ZNF81: variants seen among roughly 807,000 people sequenced by gnomAD.
The protein encoded by ZNF81 is zinc finger protein 81 (HFZ20).
ZNF81 carries 5 observed loss-of-function variants against 32.3 expected under a neutral mutation model. That is an observed-to-expected ratio of 0.15 (90% CI 0.08 to 0.33). The LOEUF (loss-of-function observed/expected upper bound fraction) is 0.33. ZNF81 is among the 10% of genes least tolerant of loss of function. The pLI, the probability that ZNF81 is intolerant of heterozygous loss-of-function variation, is 1.00. For synonymous variants in ZNF81, 163 were observed against 166.8 expected (o/e 0.98, Z 0.17); for missense variants, 379 against 479.8 (o/e 0.79, Z 1.96).
intron 4 of ZNF81, among the ~76,000 whole-genome samples, chrX:47,900,966 A>G (rs1035820625): frequency 2.7e-5 from 3 of 111,320 alleles, no homozygotes; most frequent in Non-Finnish European, 3.8e-5. Context: ...ACAAGCTTTT[A>G]TGAGAATTTT....
chrX:47,900,098 G>C (rs1313461561), intron 4 of ZNF81, among the ~76,000 whole-genome samples: 1 of 111,158 alleles, frequency 9.0e-6, no homozygotes, highest in Non-Finnish European at 1.9e-5. Flanking sequence ...AACTGTCAAA[G>C]AGATTTAAAA....
chrX:47,870,436 C>T (rs1287699606), intron 2 of ZNF81, among the ~76,000 whole-genome samples: 1 of 112,334 alleles, frequency 8.9e-6, no homozygotes. Flanking sequence ...CTCCACTTGT[C>T]CAGAGGACTG....
At chrX:47,858,724 T>C (rs907052204) in intron 2 of ZNF81, among the ~76,000 whole-genome samples, 1 of 112,224 alleles carries the variant, frequency 8.9e-6, no homozygotes, top group Non-Finnish European at 1.9e-5. Context: ...TTATACTTTC[T>C]AATTTTAATG....
chrX:47,897,629 C>T (rs890022414), intron 4 of ZNF81, among the ~76,000 whole-genome samples: 12 of 112,313 alleles, frequency 1.1e-4, no homozygotes, highest in African/African-American at 3.9e-4. Flanking sequence ...TTGCCTACCA[C>T]AAGGCACAAA....
chrX:47,909,984 A>G (rs1311892596), intron 4 of ZNF81, among the ~76,000 whole-genome samples: 1 of 111,290 alleles, frequency 9.0e-6, no homozygotes, highest in Non-Finnish European at 1.9e-5. Context: ...TATATGTGCC[A>G]CATTTTCTTA....
At chrX:47,860,270 G>A (rs1419530788) in intron 2 of ZNF81, among the ~76,000 whole-genome samples, 1 of 107,761 alleles carries the variant, frequency 9.3e-6, no homozygotes, top group Admixed American at 1.0e-4. Context: ...CCGCCTCCTG[G>A]GTTCATGCCA....
chrX:47,882,759 G>A (rs2058625931), intron 2 of ZNF81, among the ~76,000 whole-genome samples: 1 of 112,971 alleles, frequency 8.9e-6, no homozygotes, highest in African/African-American at 3.2e-5. Context: ...GGGAGGCTGA[G>A]GTGGGCGGAT....
rs2058757560 is a variant in ZNF81 at position 47,916,537 on chromosome X, A to G, written c.1891A>G (p.Ile631Val). The change falls in exon 5 of 5, where the codon ATT becomes GTT. Residue 631 changes from isoleucine (I) to valine (V), a missense_variant. By Grantham distance (29) the Ile-to-Val change is conservative. Coordinates refer to ENST00000338637, the MANE Select transcript of ZNF81 (RefSeq NM_007137.5). ...DRSNFNKHQT[I>V]HTGDKPYKCS... Reference sequence around the variant, plus strand: ...GTCAAATTTCAATAAACATCAGACAATTCATACTGGAGATAAACCGTATAA... The same window carrying G: ...GTCAAATTTCAATAAACATCAGACAGTTCATACTGGAGATAAACCGTATAA... The G allele has an allele frequency of 1.7e-6, 2 of 1,206,789 alleles. No individual in the cohort carries two copies. Among genetic ancestry groups the G allele is most frequent in the Admixed American group, 2.2e-5 (1 of 45,438 alleles).
intron 2 of ZNF81, among the ~76,000 whole-genome samples, chrX:47,885,557 C>T (rs1282206734): frequency 9.0e-6 from 1 of 111,347 alleles, no homozygotes; most frequent in Non-Finnish European, 1.9e-5. Flanking sequence ...GCTGAGAAGT[C>T]CAAGATAAAG....
chrX:47,841,940 C>T (rs1453003795), intron 1 of ZNF81, among the ~76,000 whole-genome samples: 2 of 111,678 alleles, frequency 1.8e-5, no homozygotes, highest in African/African-American at 6.5e-5. Context: ...CCTCTTTTCT[C>T]ATATAAACAT....
intron 2 of ZNF81, 91 bp downstream of exon 2, chrX:47,846,412 T>A (rs1331989216): frequency 1.3e-5 from 14 of 1,048,213 alleles, no homozygotes; most frequent in Non-Finnish European, 1.3e-5. Flanking sequence ...TCTAGTACTT[T>A]TTTTAGCAGG....
chrX:47,919,257 T>C lies in ZNF81; in HGVS notation c.*2625T>C, dbSNP rs184126027. 1.1e-4 allele frequency: 36 copies of C among 322,101 alleles called. No homozygotes were observed. In the East Asian group the frequency reaches 1.4e-3, roughly 12 times the overall value. 26.5% of individuals were successfully genotyped at this position (322,101 alleles called of 1,213,427 possible). On this transcript the variant is annotated 3_prime_UTR_variant, in exon 5 of 5. Transcript: ENST00000338637. The stretch of plus-strand genomic sequence containing the variant: ...TATATGTGTCCTTCTTCAGTCTTTA[T>C]TTCTCTTTGTGTTTCAGTTAGGATA...
Position 47,915,918 on chromosome X carries a change from C to T in ZNF81, c.1272C>T (p.Thr424=), listed in dbSNP as rs782202189. The T allele has an allele frequency of 1.2e-5, 15 of 1,208,058 alleles. No individual in the cohort carries two copies. The highest frequency in any genetic ancestry group is 1.7e-5 in the Non-Finnish European group (15 of 894,202). Residue 424 remains threonine (T), a synonymous_variant, in exon 5 of 5, where the codon ACC becomes ACT. Transcript: ENST00000338637. ...GCAGTGAGTGTGGGAAAGCCTTTAC[C>T]CAAAAATCAACACTCAGGATGCATC... ...HKCSECGKAF[T]QKSTLRMHQR...
chrX:47,841,422 C>T, intron 1 of ZNF81: 2 of 902,617 alleles, frequency 2.2e-6, no homozygotes, highest in Admixed American at 2.2e-5. Flanking sequence ...TCAATCCTTT[C>T]GATGTGTATG....
chrX:47,855,832 T>G (rs1356541637), intron 2 of ZNF81, among the ~76,000 whole-genome samples: 1 of 109,673 alleles, frequency 9.1e-6, no homozygotes, highest in Non-Finnish European at 1.9e-5. Context: ...GTGGATCACT[T>G]GAGGTCAGGA....
intron 3 of ZNF81, among the ~76,000 whole-genome samples, chrX:47,893,992 A>G (rs112231909): frequency 6.3e-5 from 7 of 111,354 alleles, no homozygotes; most frequent in Non-Finnish European, 1.3e-4. Flanking sequence ...GAGTTGTAGC[A>G]CCAAAACTGT....
intron 2 of ZNF81, among the ~76,000 whole-genome samples, chrX:47,859,221 T>G (rs1055670764): frequency 7.1e-5 from 8 of 111,928 alleles, no homozygotes; most frequent in Non-Finnish European, 1.5e-4. Context: ...ATAACACTAT[T>G]AACTGTCCAC....
intron 4 of ZNF81, among the ~76,000 whole-genome samples, chrX:47,905,228 A>T (rs1456350161): frequency 6.8e-5 from 4 of 59,067 alleles, no homozygotes; most frequent in African/African-American, 2.3e-4. Flanking sequence ...ATAAAATTTT[A>T]AAAAAATCAA....
intron 2 of ZNF81, among the ~76,000 whole-genome samples, chrX:47,858,960 C>T (rs5906498): frequency 0.43 from 46,416 of 107,835 alleles, 7,765 homozygotes; most frequent in East Asian, 0.62. Context: ...CGTGGTGGCA[C>T]ATGCCTGTAA....
Sources: gnomAD v4.1 joint callset for allele counts (sites outside exome capture counted in the v4.1 genomes callset) on GRCh38, gnomAD v4.1.1 for gene constraint, MANE v1.5 for transcripts, NCBI Gene and HGNC (gene_info 2026-07-23, HGNC 2026-07-21) for gene names.